The following IVNS1ABP variants were observed in gnomAD, a reference collection of about 807,000 sequenced individuals.
The protein encoded by IVNS1ABP is influenza virus NS1A binding protein.
IVNS1ABP carries 25 observed loss-of-function variants against 78.9 expected under a neutral mutation model. That is an observed-to-expected ratio of 0.32 (90% CI 0.23 to 0.44). The LOEUF is 0.44. Among genes scored for constraint, IVNS1ABP ranks in the 20% least tolerant of loss-of-function variants. The probability of loss-of-function intolerance (pLI) is 1.00; values close to 1 mark genes in which losing one functional copy is unlikely to be tolerated. For missense variants in IVNS1ABP, 494 were observed against 768.9 expected (o/e 0.64, Z 4.23); for synonymous variants, 241 against 259.7 (o/e 0.93, Z 0.69).
In IVNS1ABP at chr1:185,299,843, C is replaced by A. The variant is rs757835048; in HGVS notation, c.1542G>T (p.Leu514Phe). ...QSAVCELGGYLYIIGGAESWN... is the reference protein window; with the variant it reads ...QSAVCELGGYFYIIGGAESWN... Reference sequence around the variant, plus strand: ...AAGATTCTGCACCTCCGATTATGTACAAATAACCACCAAGCTCACAGACTG... The same window carrying A: ...AAGATTCTGCACCTCCGATTATGTAAAAATAACCACCAAGCTCACAGACTG... The change falls in exon 14 of 15, where the codon TTG becomes TTT. Residue 514 changes from leucine to phenylalanine, a missense_variant. Leu to Phe is a conservative substitution (Grantham distance 22, BLOSUM62 0). Coordinates refer to ENST00000367498, the MANE Select transcript of IVNS1ABP (RefSeq NM_006469.5). The A allele has an allele frequency of 6.2e-7, 1 of 1,613,612 alleles. No homozygotes were observed. Among genetic ancestry groups the A allele is most frequent in the Admixed American group, 1.7e-5 (1 of 59,912 alleles).
Position 185,308,808 on chromosome 1 carries a change from C to T in IVNS1ABP, c.349G>A (p.Val117Ile), listed in dbSNP as rs1266516108. 2.5e-6 allele frequency: 4 copies of T among 1,607,256 alleles called. No individual in the cohort carries two copies. The highest frequency in any genetic ancestry group is 2.5e-6 in the Non-Finnish European group (3 of 1,177,710). ...SAAKKLKMDR[V>I]KQVCGDYLLS... is the part of the protein sequence containing the mutation. ...TACTTCTGATACTCTACCTGCTTTA[C>T]TCGATCCATCTTCAGCTTTTTTGCT... is the stretch of plus-strand genomic sequence containing the variant. Residue 117 changes from valine to isoleucine, a missense_variant, in exon 5 of 15, where the codon GTA (valine) becomes ATA (isoleucine). By Grantham distance (29) the Val-to-Ile change is conservative (BLOSUM62 3). Coordinates refer to ENST00000367498, the MANE Select transcript of IVNS1ABP (RefSeq NM_006469.5).
chr1:185,306,560 G>A (rs1164184418), intron 7 of IVNS1ABP: 8 of 1,283,942 alleles, frequency 6.2e-6, no homozygotes, highest in South Asian at 2.5e-5. Flanking sequence ...GCTTCTTTAC[G>A]TGTCAATACA....
intron 1 of IVNS1ABP, among the ~76,000 whole-genome samples, chr1:185,314,602 ATT>A (rs1665966740): frequency 6.6e-6 from 1 of 152,200 alleles, no homozygotes; most frequent in Non-Finnish European, 1.5e-5. Flanking sequence ...TAGGTGAAGG[ATT>A]TAAACAAGGA....
chr1:185,301,982 T>C (rs1024127952), intron 8 of IVNS1ABP, among the ~76,000 whole-genome samples: 1 of 152,058 alleles, frequency 6.6e-6, no homozygotes, highest in Non-Finnish European at 1.5e-5. Context: ...CCTAACTAAA[T>C]CATATGTACA....
rs768138174 is a variant in IVNS1ABP at position 185,300,262 on chromosome 1, C to T, written c.1324G>A (p.Asp442Asn). ...CTCAATTCTGGAACAGGAATCCAGT[C>T]ATCTATGTTTGAATCATACATCTCT... ...CGEMYDSNID[D>N]WIPVPELRTN... Residue 442 changes from aspartate to asparagine, a missense_variant, in exon 12 of 15, where the codon GAC (aspartate) becomes AAC (asparagine). Asp to Asn is a conservative substitution (Grantham distance 23). Coordinates refer to ENST00000367498, the MANE Select transcript of IVNS1ABP (RefSeq NM_006469.5). The T allele has an allele frequency of 6.2e-7, 1 of 1,613,232 alleles. No homozygotes were observed.
At chr1:185,316,411 C>A (rs1447075739) in intron 1 of IVNS1ABP, among the ~76,000 whole-genome samples, 1 of 152,194 alleles carries the variant, frequency 6.6e-6, no homozygotes, top group Non-Finnish European at 1.5e-5. Context: ...CCACGGCGAT[C>A]GGGGACTCCG....
At chr1:185,306,101 A>G (rs1165569657) in intron 7 of IVNS1ABP, 1 of 172,382 alleles carries the variant, frequency 5.8e-6, no homozygotes, top group Non-Finnish European at 1.3e-5. Flanking sequence ...AAACAAATGC[A>G]AAAATTCAAG....
In IVNS1ABP at chr1:185,307,137, C is replaced by T; in HGVS notation, c.534G>A (p.Leu178=). 1 of 1,613,094 alleles carries T rather than the reference C, an allele frequency of 6.2e-7. No homozygotes were observed. The highest frequency in any genetic ancestry group is 1.1e-5 in the South Asian group (1 of 91,038). Residue 178 remains leucine (L), a splice_region_variant and synonymous_variant, in exon 7 of 15, where the codon TTG becomes TTA. Coordinates refer to ENST00000367498, the MANE Select transcript of IVNS1ABP (RefSeq NM_006469.5). ...EEFLKLPRLK[L]EVMLEDNVCL... is the part of the protein sequence containing the mutation. ...AAACATTATCTTCAAGCATTACCTCCAACTAGAATTGGGAAAAACAATGAC... is the reference window on the plus strand; with the variant it reads ...AAACATTATCTTCAAGCATTACCTCTAACTAGAATTGGGAAAAACAATGAC...
At chr1:185,312,613 G>T (rs947249311) in intron 1 of IVNS1ABP, among the ~76,000 whole-genome samples, 19 of 152,152 alleles carry the variant, frequency 1.2e-4, no homozygotes, top group African/African-American at 4.3e-4. Context: ...GCCAATTCGG[G>T]TTGGGATTGT....
chr1:185,313,972 C>A (rs1027594554), intron 1 of IVNS1ABP, among the ~76,000 whole-genome samples: 3 of 152,140 alleles, frequency 2.0e-5, no homozygotes, highest in African/African-American at 7.2e-5. Context: ...TACAATTCAA[C>A]AGGTCTTATC....
Position 185,315,876 on chromosome 1 carries a change from GC to G in IVNS1ABP, c.-247+1076del, listed in dbSNP as rs1172315962. On this transcript the variant is annotated intron_variant, in intron 1 of 14. Coordinates refer to ENST00000367498, the MANE Select transcript of IVNS1ABP (RefSeq NM_006469.5). Reference sequence around the variant, plus strand: ...AAGACCACGACACACTCAACGAACAGCTTGATGCCAAGGTGTTCTAACGCTC... The same window carrying G: ...AAGACCACGACACACTCAACGAACAGTTGATGCCAAGGTGTTCTAACGCTC... Among the ~76,000 whole-genome samples, 4 of 152,288 alleles carry G rather than the reference GC, an allele frequency of 2.6e-5. No individual in the cohort carries two copies. The East Asian group carries it at 7.7e-4, about 29-fold the overall frequency.
Position 185,317,013 on chromosome 1 carries a change from G to A in IVNS1ABP, c.-307C>T. The A allele has an allele frequency of 5.0e-6, 2 of 398,910 alleles. No individual in the cohort carries two copies. Among genetic ancestry groups the A allele is most frequent in the Admixed American group, 4.4e-5 (1 of 22,738 alleles). The allele number at this position is 398,910 out of a possible 1,614,324, so 24.7% of individuals were successfully genotyped here. On this transcript the variant is annotated 5_prime_UTR_variant, in exon 1 of 15. Transcript: ENST00000367498. ...CTAGAGCTTCGATGGGAAGCAGGAG[G>A]AAGCGGGCGGGAATCGGCCCAACGG...
chr1:185,303,561 T>C (rs1214371736), intron 8 of IVNS1ABP, among the ~76,000 whole-genome samples: 1 of 152,112 alleles, frequency 6.6e-6, no homozygotes, highest in Non-Finnish European at 1.5e-5. Context: ...TCAAATTCTT[T>C]CTTTTCCCTA....
chr1:185,315,074 C>T (rs911278790), intron 1 of IVNS1ABP, among the ~76,000 whole-genome samples: 1 of 152,220 alleles, frequency 6.6e-6, no homozygotes, highest in Non-Finnish European at 1.5e-5. Flanking sequence ...TACACACACA[C>T]TAGCACATGC....
intron 9 of IVNS1ABP, 41 bp from the exon 10 acceptor site, chr1:185,301,237 C>T (rs778957384): frequency 3.0e-5 from 47 of 1,560,260 alleles, no homozygotes; most frequent in Non-Finnish European, 3.7e-5. Context: ...GTAATTATTA[C>T]TTTTGGTTTG....
At chr1:185,302,152 A>T (rs920639267) in intron 8 of IVNS1ABP, among the ~76,000 whole-genome samples, 5 of 152,128 alleles carry the variant, frequency 3.3e-5, no homozygotes, top group African/African-American at 1.2e-4. Context: ...TTCTAGACAA[A>T]ATTACATCAA....
At chr1:185,315,691 GCCTA>G (rs1665998960) in intron 1 of IVNS1ABP, among the ~76,000 whole-genome samples, 1 of 152,210 alleles carries the variant, frequency 6.6e-6, no homozygotes, top group Non-Finnish European at 1.5e-5. Context: ...GCAGGCTTTA[GCCTA>G]AAAGTAATCA....
chr1:185,307,691 A>G, intron 5 of IVNS1ABP, 29 bp from the exon 6 acceptor site: 1 of 1,586,784 alleles, frequency 6.3e-7, no homozygotes. Context: ...GAGTGCCAAC[A>G]CTTACATATC....
intron 12 of IVNS1ABP, 23 bp downstream of exon 12, chr1:185,300,194 T>G: frequency 6.2e-7 from 1 of 1,610,696 alleles, no homozygotes; most frequent in South Asian, 1.1e-5. Flanking sequence ...ATACTGGATA[T>G]CTCAGGAGAA....
Sources: allele counts gnomAD v4.1 joint callset (sites outside exome capture counted in the v4.1 genomes callset), GRCh38; gene constraint gnomAD v4.1.1; transcripts MANE v1.5; gene names NCBI Gene and HGNC (gene_info 2026-07-23, HGNC 2026-07-21).